TVP23A: variants seen among roughly 807,000 people sequenced by gnomAD.
TVP23A encodes trans-golgi network vesicle protein 23 homolog A.
A neutral mutation model predicts 31.7 loss-of-function variants in TVP23A; 21 were observed. That is an observed-to-expected ratio of 0.66 (90% confidence interval 0.47 to 0.95). TVP23A has a LOEUF of 0.95. Among genes scored for constraint, TVP23A ranks in the 40% least tolerant of loss-of-function variants. The pLI is 0.00. For synonymous variants in TVP23A, 104 were observed against 96.0 expected (o/e 1.08, Z -0.49); for missense variants, 279 against 255.6 (o/e 1.09, Z -0.62).
At chr16:10,790,203 T>C (rs1567296532) in intron 2 of TVP23A, among the ~76,000 whole-genome samples, 1 of 152,076 alleles carries the variant, frequency 6.6e-6, no homozygotes, top group Non-Finnish European at 1.5e-5. Context: ...TCTTTACAGA[T>C]GTAAATTTTC....
intron 2 of TVP23A, among the ~76,000 whole-genome samples, chr16:10,792,122 G>C (rs763287707): frequency 6.6e-6 from 1 of 152,182 alleles, no homozygotes; most frequent in Non-Finnish European, 1.5e-5. Flanking sequence ...TCCACCTCCG[G>C]CTGGATTTTT....
downstream of TVP23A, among the ~76,000 whole-genome samples, chr16:10,763,045 A>G (rs951783381): frequency 2.0e-5 from 3 of 151,958 alleles, no homozygotes. Flanking sequence ...CACAAGAGAG[A>G]AAGTGACGGC....
chr16:10,811,899 G>A (rs112536975), intron 2 of TVP23A, among the ~76,000 whole-genome samples: 2,512 of 116,608 alleles, frequency 0.022, 91 homozygotes, highest in African/African-American at 0.079. Flanking sequence ...GCAAGACTCC[G>A]TCTCAAAAAA....
rs954229773 is a variant in TVP23A at position 10,766,843 on chromosome 16, C to A, written c.*2259G>T. ...AAACGAAAAGGATGAAGTAAAGTTA[C>A]AAAGTCATTTACGGCATACGTCCTA... is the stretch of plus-strand genomic sequence containing the variant. On this transcript the variant is annotated 3_prime_UTR_variant, in exon 8 of 8. Coordinates refer to ENST00000299866, the MANE Select transcript of TVP23A (RefSeq NM_001079512.4). This position sits in a 1 kb window ranked among gnomAD's most constrained non-coding sequence, Gnocchi z 4.8. 7 of 397,954 alleles carry A rather than the reference C, an allele frequency of 1.8e-5. No homozygotes were observed. The highest frequency in any genetic ancestry group is 4.1e-5 in the African/African-American group (2 of 48,610). 24.7% of individuals were successfully genotyped at this position (397,954 alleles called of 1,614,324 possible).
chr16:10,768,089 A>AGGAGCCAGGGGTGT lies in TVP23A; in HGVS notation c.*999_*1012dup. On this transcript the variant is annotated 3_prime_UTR_variant, in exon 8 of 8. Coordinates refer to ENST00000299866, the MANE Select transcript of TVP23A (RefSeq NM_001079512.4). The surrounding 1 kb of genome is among the most constrained non-coding windows in gnomAD (Gnocchi z 4.3). ...GCCTGTGGGGCAGGAAGCAACATAA[A>AGGAGCCAGGGGTGT]GGAGCCAGGGGTGTGGAAGGACAGG... is the stretch of plus-strand genomic sequence containing the variant. 6.5e-7 allele frequency: 1 copy of AGGAGCCAGGGGTGT among 1,547,010 alleles called. No individual in the cohort carries two copies. Among genetic ancestry groups the AGGAGCCAGGGGTGT allele is most frequent in the African/African-American group, 1.4e-5 (1 of 73,688 alleles).
At chr16:10,764,302 T>TCA (rs1473234366), downstream of TVP23A, among the ~76,000 whole-genome samples, 1 of 152,170 alleles carries the variant, frequency 6.6e-6, no homozygotes, top group Non-Finnish European at 1.5e-5. Context: ...CTGGAGTATT[T>TCA]GTCTATTGGA....
chr16:10,758,734 T>A (rs1367068966), downstream of TVP23A, among the ~76,000 whole-genome samples: 2 of 152,168 alleles, frequency 1.3e-5, no homozygotes, highest in African/African-American at 4.8e-5. Flanking sequence ...CAGGATGATT[T>A]AGGAAATCTC....
chr16:10,769,340 C>A (rs907872136), intron 7 of TVP23A: 1 of 454,208 alleles, frequency 2.2e-6, no homozygotes, highest in Admixed American at 4.0e-5. Flanking sequence ...GAATAAAACC[C>A]CCTCAAATCT....
intron 2 of TVP23A, among the ~76,000 whole-genome samples, chr16:10,817,671 C>T (rs1179240431): frequency 6.6e-6 from 1 of 152,186 alleles, no homozygotes; most frequent in South Asian, 2.1e-4. Context: ...TACAACATAG[C>T]CCCAGGGCCT....
At chr16:10,786,240 G>A (rs1401278135) in intron 2 of TVP23A, among the ~76,000 whole-genome samples, 2 of 152,158 alleles carry the variant, frequency 1.3e-5, no homozygotes, top group East Asian at 1.9e-4. Flanking sequence ...GGGAAGGTGA[G>A]TTCATCCTAA....
downstream of TVP23A, among the ~76,000 whole-genome samples, chr16:10,757,568 C>CT (rs766191104): frequency 6.6e-6 from 1 of 152,304 alleles, no homozygotes; most frequent in African/African-American, 2.4e-5. This position sits in a 1 kb window ranked among gnomAD's most constrained non-coding sequence, Gnocchi z 4.1. Flanking sequence ...ACCCCCTACT[C>CT]TATTTGTGAC....
At position 10,818,589 on chromosome 16, in the gene TVP23A, A is replaced by T. The variant is rs2034549924; in HGVS notation, c.-96T>A. 6.8e-7 allele frequency: 1 copy of T among 1,467,366 alleles called. No individual in the cohort carries two copies. The highest frequency in any genetic ancestry group is 9.1e-7 in the Non-Finnish European group (1 of 1,099,720). 90.9% of individuals were successfully genotyped at this position (1,467,366 alleles called of 1,614,324 possible). A position where few individuals can be genotyped will look rare whatever the true frequency, so the allele number is the denominator to read the frequency against. On this transcript the variant is annotated 5_prime_UTR_variant, in exon 1 of 8. Coordinates refer to ENST00000299866, the MANE Select transcript of TVP23A (RefSeq NM_001079512.4). This position sits in a 1 kb window ranked among gnomAD's most constrained non-coding sequence, Gnocchi z 4.7. ...GGACGCCGGGCGGGCGGATGTAGGC[A>T]GCAGACGGTGGACGCTGAGGGTCGG...
At chr16:10,787,235 G>A (rs2032815659) in intron 2 of TVP23A, among the ~76,000 whole-genome samples, 1 of 152,124 alleles carries the variant, frequency 6.6e-6, no homozygotes, top group African/African-American at 2.4e-5. Context: ...AATTATTTAG[G>A]CAGATAGTGA....
In TVP23A at chr16:10,774,096, T is replaced by A; in HGVS notation, c.267A>T (p.Arg89=). Residue 89 remains arginine (R), a synonymous_variant, in exon 4 of 8, where the codon CGA becomes CGT. Transcript: ENST00000299866. ...NVTGRLLVGL[R]WWNQIDEDGK... Reference sequence around the variant, plus strand: ...CATCTTCATCTATCTGGTTCCACCATCGAAGGCCCACCAGGAGTCTTCCGG... The same window carrying A: ...CATCTTCATCTATCTGGTTCCACCAACGAAGGCCCACCAGGAGTCTTCCGG... The A allele has an allele frequency of 6.2e-7, 1 of 1,611,668 alleles. No homozygotes were observed. The highest frequency in any genetic ancestry group is 8.5e-7 in the Non-Finnish European group (1 of 1,179,016).
intron 2 of TVP23A, among the ~76,000 whole-genome samples, chr16:10,778,261 G>A (rs1391703756): frequency 1.3e-5 from 2 of 152,172 alleles, no homozygotes; most frequent in Non-Finnish European, 2.9e-5. Context: ...TTGAACCTGG[G>A]AGGTGGAGGT....
intron 2 of TVP23A, among the ~76,000 whole-genome samples, chr16:10,807,646 C>T (rs1430971381): frequency 6.6e-6 from 1 of 152,144 alleles, no homozygotes; most frequent in Non-Finnish European, 1.5e-5. Context: ...TGATCTGCCT[C>T]AAATATCCAT....
intron 2 of TVP23A, among the ~76,000 whole-genome samples, chr16:10,801,865 C>A (rs2033709726): frequency 6.6e-6 from 1 of 152,086 alleles, no homozygotes; most frequent in African/African-American, 2.4e-5. Flanking sequence ...AAGAGAATGT[C>A]CTTTTCTTAC....
Position 10,777,541 on chromosome 16 carries a change from G to A in TVP23A, c.90-2445C>T, listed in dbSNP as rs773725892. On this transcript the variant is annotated intron_variant, in intron 2 of 7. Coordinates refer to ENST00000299866, the MANE Select transcript of TVP23A (RefSeq NM_001079512.4). The surrounding 1 kb of genome is among the most constrained non-coding windows in gnomAD (Gnocchi z 4.5). ...ACCACAGGTGCCTCTACAACTGTGGGGCTTCCGACTCCCAGGGGAATGTTA... is the reference window on the plus strand; with the variant it reads ...ACCACAGGTGCCTCTACAACTGTGGAGCTTCCGACTCCCAGGGGAATGTTA... Among the ~76,000 whole-genome samples, 9 of 152,180 alleles carry A rather than the reference G, an allele frequency of 5.9e-5. No homozygotes were observed. The highest frequency in any genetic ancestry group is 1.3e-4 in the Non-Finnish European group (9 of 68,008).
chr16:10,787,341 G>A (rs936037336), intron 2 of TVP23A, among the ~76,000 whole-genome samples: 1 of 152,158 alleles, frequency 6.6e-6, no homozygotes, highest in Non-Finnish European at 1.5e-5. Flanking sequence ...AAATCCAGCT[G>A]CAGACAAGCA....
Sources: gnomAD v4.1 joint callset for allele counts (sites outside exome capture counted in the v4.1 genomes callset) on GRCh38, gnomAD v4.1.1 for gene constraint, Gnocchi (gnomAD v3.1) non-coding constraint, MANE v1.5 for transcripts, NCBI Gene and HGNC (gene_info 2026-07-23, HGNC 2026-07-21) for gene names.